The following B4GALT6 variants were observed in gnomAD, a reference collection of about 807,000 sequenced individuals.
The protein encoded by B4GALT6 is UDP-Gal:beta-GlcNAc beta-1,4-galactosyltransferase 6.
B4GALT6 carries 14 observed loss-of-function variants against 46.3 expected under a neutral mutation model. The observed-to-expected ratio is 0.30, with a 90% CI of 0.20 to 0.47. The LOEUF is 0.47. Ranked by LOEUF, B4GALT6 falls within the 20% of genes least tolerant of loss-of-function variation. B4GALT6 has a pLI of 0.99. For missense variants in B4GALT6, 386 were observed against 480.1 expected, an observed-to-expected ratio of 0.80 and a Z score of 1.83; for synonymous variants, 168 against 162.0, an observed-to-expected ratio of 1.04 and a Z score of -0.28.
intron 1 of B4GALT6, among the ~76,000 whole-genome samples, chr18:31,683,672 T>C (rs544649304): frequency 6.6e-6 from 1 of 152,314 alleles, no homozygotes; most frequent in East Asian, 1.9e-4. Context: ...TTTTAATCAC[T>C]ATTTTCTCAG....
Position 31,684,569 on chromosome 18 carries a change from G to T in B4GALT6, c.-143C>A. The T allele has an allele frequency of 7.1e-7, 1 of 1,414,636 alleles. No homozygotes were observed. 87.6% of individuals were successfully genotyped at this position (1,414,636 alleles called of 1,614,324 possible). On this transcript the variant is annotated 5_prime_UTR_variant, in exon 1 of 9. Transcript: ENST00000306851. ...CGGGGAGGCTCTGGGGAGAGGGCCC[G>T]AGCGGAAAAGAGGAAATGGGAGGGA...
chr18:31,691,298 T>C, the B4GALT6 span, among the ~76,000 whole-genome samples: 24 of 3,544 alleles, frequency 6.8e-3, no homozygotes, highest in Admixed American at 0.041. Context: ...TTTACATATA[T>C]ATATATATAT....
Position 31,658,004 on chromosome 18 carries a change from G to A in B4GALT6, c.318C>T (p.Leu106=). 1 of 1,613,742 alleles carries A rather than the reference G, an allele frequency of 6.2e-7. No individual in the cohort carries two copies. Among genetic ancestry groups the A allele is most frequent in the Non-Finnish European group, 8.5e-7 (1 of 1,179,846 alleles). ...LPENFTYSPY[L]PCPEKLPYMR... ...TATAAGGCAGCTTTTCTGGACAGGG[G>A]AGGTATGGTGAGTATGTGAAGTTTT... Residue 106 remains leucine, a synonymous_variant, in exon 3 of 9, where the codon CTC becomes CTT. Coordinates refer to ENST00000306851, the MANE Select transcript of B4GALT6 (RefSeq NM_004775.5).
chr18:31,638,482 G>A (rs900156229), intron 5 of B4GALT6, among the ~76,000 whole-genome samples, 162 bp downstream of exon 5: 14 of 152,106 alleles, frequency 9.2e-5, no homozygotes, highest in Admixed American at 2.0e-4. Flanking sequence ...AGCCGAGATC[G>A]CGCCACTGCA....
At chr18:31,657,506 T>A (rs997128908) in intron 3 of B4GALT6, among the ~76,000 whole-genome samples, 1 of 152,186 alleles carries the variant, frequency 6.6e-6, no homozygotes, top group Non-Finnish European at 1.5e-5. Flanking sequence ...GAAAACAATT[T>A]TCATAACCGG....
At chr18:31,690,509 G>T (rs563083103), upstream of B4GALT6, among the ~76,000 whole-genome samples, 123 of 151,028 alleles carry the variant, frequency 8.1e-4, 3 homozygotes, top group South Asian at 0.026. Context: ...CACTCTTGTC[G>T]CACAGGCTGG....
At chr18:31,669,488 A>G (rs895220295) in intron 1 of B4GALT6, among the ~76,000 whole-genome samples, 2 of 152,174 alleles carry the variant, frequency 1.3e-5, no homozygotes, top group Non-Finnish European at 2.9e-5. Context: ...TTTTAAATGT[A>G]TTAGTTCCTG....
In B4GALT6 at chr18:31,666,451, G is replaced by A. The variant is rs552317731; in HGVS notation, c.116-79C>T. 19 of 568,858 alleles carry A rather than the reference G, an allele frequency of 3.3e-5. No homozygotes were observed. The East Asian group carries it at 4.2e-4, about 13-fold the overall frequency. The allele number at this position is 568,858 out of a possible 1,614,324, so 35.2% of individuals were successfully genotyped here. On this transcript the variant is annotated intron_variant, in intron 1 of 8. Coordinates refer to ENST00000306851, the MANE Select transcript of B4GALT6 (RefSeq NM_004775.5). ...TTAATAAAATAATATTCAGAATTGG[G>A]GAAGTGCCCAATAAACATAAACTGA...
chr18:31,653,151 G>C (rs1485117478), intron 3 of B4GALT6, among the ~76,000 whole-genome samples: 1 of 151,840 alleles, frequency 6.6e-6, no homozygotes, highest in Non-Finnish European at 1.5e-5. Flanking sequence ...TCACCTCATG[G>C]ATGCCTAGGA....
intron 1 of B4GALT6, among the ~76,000 whole-genome samples, chr18:31,677,257 T>A (rs1014577818): frequency 3.9e-5 from 6 of 152,244 alleles, no homozygotes; most frequent in African/African-American, 1.4e-4. Context: ...GCCAAAAATA[T>A]AATTACTGAC....
At position 31,622,272 on chromosome 18, in the gene B4GALT6, G is replaced by T. The variant is rs1179834564; in HGVS notation, c.*3342C>A. 1 of 151,850 alleles carries T rather than the reference G, an allele frequency of 6.6e-6. No individual in the cohort carries two copies. Among genetic ancestry groups the T allele is most frequent in the Non-Finnish European group, 1.5e-5 (1 of 67,858 alleles). The allele number at this position is 151,850 out of a possible 1,614,324, so 9.4% of individuals were successfully genotyped here. ...CTTTAGAACATTATATTTCATAAAA[G>T]ACAATGATAAAAAAGTACAAACATT... On this transcript the variant is annotated 3_prime_UTR_variant, in exon 9 of 9. Transcript: ENST00000306851.
intron 1 of B4GALT6, among the ~76,000 whole-genome samples, chr18:31,678,338 T>C (rs2074438978): frequency 6.6e-6 from 1 of 152,090 alleles, no homozygotes; most frequent in African/African-American, 2.4e-5. Flanking sequence ...TTTTTTCCTC[T>C]CTCTCTCTTT....
upstream of B4GALT6, among the ~76,000 whole-genome samples, chr18:31,688,488 G>C (rs976871901): frequency 6.6e-6 from 1 of 151,734 alleles, no homozygotes; most frequent in African/African-American, 2.4e-5. Flanking sequence ...AAATAATATA[G>C]AACTGTATGA....
chr18:31,664,745 C>T (rs2074264249), intron 2 of B4GALT6, among the ~76,000 whole-genome samples: 1 of 152,158 alleles, frequency 6.6e-6, no homozygotes. Flanking sequence ...AACATTTTTA[C>T]AATCAACTTA....
At chr18:31,698,721 G>A in the B4GALT6 span, among the ~76,000 whole-genome samples, 25 of 151,530 alleles carry the variant, frequency 1.6e-4, no homozygotes, top group Admixed American at 3.3e-4. Flanking sequence ...TCAGTAAATA[G>A]CAGAAAGGAA....
chr18:31,664,269 T>C (rs1227015049), intron 2 of B4GALT6, among the ~76,000 whole-genome samples: 7 of 152,300 alleles, frequency 4.6e-5, no homozygotes, highest in Admixed American at 3.9e-4. Flanking sequence ...CAGCCACAGA[T>C]ATCCAACTTG....
chr18:31,636,387 A>C (rs1468642619), intron 5 of B4GALT6, among the ~76,000 whole-genome samples: 1 of 152,254 alleles, frequency 6.6e-6, no homozygotes, highest in Non-Finnish European at 1.5e-5. Flanking sequence ...CTTGTATTTA[A>C]AATACATAAA....
the B4GALT6 span, among the ~76,000 whole-genome samples, chr18:31,695,133 G>GA: frequency 1.3e-5 from 2 of 151,468 alleles, no homozygotes; most frequent in African/African-American, 2.4e-5. Context: ...CTATCTTTGA[G>GA]AAAAAAAATT....
intron 1 of B4GALT6, among the ~76,000 whole-genome samples, chr18:31,670,298 G>A (rs1209721250): frequency 2.6e-5 from 4 of 151,948 alleles, no homozygotes; most frequent in Admixed American, 1.3e-4. Flanking sequence ...CAGGCAATCC[G>A]CCCGCCTCAG....
Sources: gnomAD v4.1 joint callset for allele counts (sites outside exome capture counted in the v4.1 genomes callset) on GRCh38, gnomAD v4.1.1 for gene constraint, MANE v1.5 for transcripts, NCBI Gene and HGNC (gene_info 2026-07-23, HGNC 2026-07-21) for gene names.